ZNF331: variants seen among roughly 807,000 people sequenced by gnomAD.
ZNF331 encodes C2H2-like zinc finger protein rearranged in thyroid adenomas.
ZNF331 carries 2 observed loss-of-function variants against 7.0 expected under a neutral mutation model. That is an observed-to-expected ratio of 0.29 (90% CI 0.12 to 0.90). The LOEUF is 0.90. Ranked by LOEUF, ZNF331 falls within the 40% of genes least tolerant of loss-of-function variation. The pLI is 0.58. For missense variants in ZNF331, 432 were observed against 587.7 expected (o/e 0.74, Z 2.74); for synonymous variants, 196 against 205.4 (o/e 0.95, Z 0.39).
the ZNF331 span, among the ~76,000 whole-genome samples, chr19:53,508,667 C>G: frequency 6.6e-6 from 1 of 152,268 alleles, no homozygotes; most frequent in Non-Finnish European, 1.5e-5. Context: ...TGAGATTTCT[C>G]TCTCTGACCA....
chr19:53,572,812 C>T (rs538957298), intron 5 of ZNF331, among the ~76,000 whole-genome samples: 10 of 152,116 alleles, frequency 6.6e-5, no homozygotes, highest in South Asian at 4.1e-4. Flanking sequence ...TGCAGTCAGA[C>T]GGAGGGAGCA....
At chr19:53,546,367 C>T (rs1299147291) in intron 2 of ZNF331, among the ~76,000 whole-genome samples, 2 of 151,762 alleles carry the variant, frequency 1.3e-5, no homozygotes, top group African/African-American at 4.8e-5. Context: ...AGCAATTTAT[C>T]CCAGTAATTC....
At chr19:53,563,649 TC>T (rs1379348753) in intron 3 of ZNF331, 2 of 152,178 alleles carry the variant, frequency 1.3e-5, no homozygotes, top group African/African-American at 4.8e-5. Context: ...ATGTTGATCT[TC>T]AATAATAACA....
rs1016085645 is a variant in ZNF331, at chr19:53,543,027, T to G, written c.-138+3745T>G. ...TTTTTCCATGTTGGTCAGGCTGGTCTTGAACTCCCGACCTCAGGTGATCCA... is the reference window on the plus strand; with the variant it reads ...TTTTTCCATGTTGGTCAGGCTGGTCGTGAACTCCCGACCTCAGGTGATCCA... On this transcript the variant is annotated intron_variant, in intron 2 of 5. Coordinates refer to ENST00000449416, the MANE Select transcript of ZNF331 (RefSeq NM_001079906.2). Among the ~76,000 whole-genome samples, 8 of 152,132 alleles carry G rather than the reference T, an allele frequency of 5.3e-5. No individual in the cohort carries two copies. The East Asian group carries it at 1.6e-3, about 30-fold the overall frequency.
At position 53,550,529 on chromosome 19, in the gene ZNF331, C is replaced by CTTTTTTTTTTTTTTTTTT. The variant is rs60619357; in HGVS notation, c.-137-5308_-137-5291dup. ...GTTTTTGATTTAAAGTCTATTTTGT[C>CTTTTTTTTTTTTTTTTTT]TTTTTTTTTTTTTTTTTTTTTTTTT... On this transcript the variant is annotated intron_variant, in intron 2 of 5. Coordinates refer to ENST00000449416, the MANE Select transcript of ZNF331 (RefSeq NM_001079906.2). Among the ~76,000 whole-genome samples the CTTTTTTTTTTTTTTTTTT allele has an allele frequency of 1.1e-4, 7 of 64,540 alleles. 2 individuals are homozygous for CTTTTTTTTTTTTTTTTTT. Among genetic ancestry groups the CTTTTTTTTTTTTTTTTTT allele is most frequent in the Admixed American group, 5.2e-4 (2 of 3,868 alleles). 42.3% of individuals were successfully genotyped at this position (64,540 alleles called of 152,430 possible).
At chr19:53,518,445 C>G (rs12984734), upstream of ZNF331, among the ~76,000 whole-genome samples, 51,412 of 151,958 alleles carry the variant, frequency 0.34, 8,899 homozygotes, top group Middle Eastern at 0.42. Context: ...TTGTGATCGT[C>G]TAAGCCAATT....
chr19:53,559,376 CCAT>C (rs1465029586), intron 3 of ZNF331, among the ~76,000 whole-genome samples: 2 of 147,786 alleles, frequency 1.4e-5, no homozygotes, highest in African/African-American at 5.2e-5. Flanking sequence ...CACACACACC[CCAT>C]ATATACACAT....
chr19:53,527,393 G>T (rs1211531572), intron 2 of ZNF331, among the ~76,000 whole-genome samples: 1 of 152,154 alleles, frequency 6.6e-6, no homozygotes, highest in Admixed American at 6.6e-5. Flanking sequence ...CACGGCAAGG[G>T]AAATTTCAGT....
At chr19:53,506,850 C>T in the ZNF331 span, among the ~76,000 whole-genome samples, 2 of 152,052 alleles carry the variant, frequency 1.3e-5, no homozygotes, top group Admixed American at 1.3e-4. Flanking sequence ...CAGGTAGGGA[C>T]GTGTGAGACT....
intron 2 of ZNF331, among the ~76,000 whole-genome samples, chr19:53,531,230 G>A (rs975228082): frequency 9.2e-5 from 14 of 152,090 alleles, no homozygotes; most frequent in East Asian, 3.8e-4. Flanking sequence ...AATGATTAGC[G>A]TTTATAAGAC....
chr19:53,545,533 C>T (rs567237815), intron 2 of ZNF331, among the ~76,000 whole-genome samples: 130 of 152,158 alleles, frequency 8.5e-4, no homozygotes, highest in Non-Finnish European at 1.5e-3. Flanking sequence ...AGAGGCCAGA[C>T]GGGGTCCCAG....
chr19:53,526,248 A>G (rs998371851), intron 2 of ZNF331, among the ~76,000 whole-genome samples: 4 of 152,156 alleles, frequency 2.6e-5, no homozygotes, highest in Admixed American at 2.6e-4. Flanking sequence ...CTTGTCTTGC[A>G]GTGTCCTTGT....
upstream of ZNF331, among the ~76,000 whole-genome samples, chr19:53,517,411 G>T (rs2147209707): frequency 6.6e-6 from 1 of 152,218 alleles, no homozygotes; most frequent in Non-Finnish European, 1.5e-5. Flanking sequence ...CCTCCCCACA[G>T]GACTCTGGCC....
intron 3 of ZNF331, chr19:53,563,851 G>T (rs59768163): frequency 6.6e-6 from 1 of 151,308 alleles, no homozygotes; most frequent in Non-Finnish European, 1.5e-5. Flanking sequence ...TGCCAGGTGC[G>T]GTGGCAAAAC....
intron 2 of ZNF331, among the ~76,000 whole-genome samples, chr19:53,546,144 A>G (rs2088594693): frequency 9.6e-6 from 1 of 104,470 alleles, no homozygotes; most frequent in African/African-American, 1.0e-4. Context: ...GAGGGGGAAA[A>G]AAAAAAAAAA....
chr19:53,564,289 A>AT (rs1308220036), intron 3 of ZNF331, among the ~76,000 whole-genome samples: 7 of 150,510 alleles, frequency 4.7e-5, no homozygotes, highest in Admixed American at 2.7e-4. Context: ...ATTTTATTTT[A>AT]TTTTTTTTGA....
chr19:53,542,349 T>A (rs1019251174), intron 2 of ZNF331, among the ~76,000 whole-genome samples: 2 of 152,250 alleles, frequency 1.3e-5, no homozygotes, highest in Non-Finnish European at 1.5e-5. Flanking sequence ...GATTATAGAA[T>A]GTTAATGTTC....
intron 5 of ZNF331, among the ~76,000 whole-genome samples, chr19:53,575,913 A>T (rs2090698933): frequency 6.6e-6 from 1 of 151,850 alleles, no homozygotes; most frequent in African/African-American, 2.4e-5. Flanking sequence ...CGAACTCCTG[A>T]CTTCATGATC....
At chr19:53,525,612 G>A (rs2087263008) in intron 2 of ZNF331, among the ~76,000 whole-genome samples, 2 of 151,894 alleles carry the variant, frequency 1.3e-5, no homozygotes, top group African/African-American at 4.8e-5. Context: ...ATTTTGTAAG[G>A]GATACTATTG....
Sources: gnomAD v4.1 joint callset for allele counts (sites outside exome capture counted in the v4.1 genomes callset) on GRCh38, gnomAD v4.1.1 for gene constraint, MANE v1.5 for transcripts, NCBI Gene and HGNC (gene_info 2026-07-23, HGNC 2026-07-21) for gene names.